Variants in ZNF536 observed in about 807,000 individuals in gnomAD.
The protein encoded by ZNF536 is zinc finger protein 536.
In ZNF536, 13 loss-of-function variants were observed where a neutral mutation model predicts 84.5. The observed-to-expected ratio is 0.15, with a 90% CI of 0.10 to 0.24. ZNF536 has a LOEUF of 0.24. Ranked by LOEUF, ZNF536 falls within the 10% of genes least tolerant of loss-of-function variation. The pLI, the probability that ZNF536 is intolerant of heterozygous loss-of-function variation, is 1.00. For synonymous variants in ZNF536, 811 were observed against 742.5 expected, an observed-to-expected ratio of 1.09 and a Z score of -1.50; for missense variants, 1,536 against 1,747.5, an observed-to-expected ratio of 0.88 and a Z score of 2.16.
intron 2 of ZNF536, among the ~76,000 whole-genome samples, chr19:30,486,606 G>A (rs1314256567): frequency 3.3e-5 from 5 of 152,038 alleles, no homozygotes; most frequent in Non-Finnish European, 7.4e-5. Context: ...TATTCCTTTG[G>A]GTATATACCT....
chr19:30,655,198 CAG>C (rs1242233916), intron 1 of ZNF536, among the ~76,000 whole-genome samples: 1 of 152,192 alleles, frequency 6.6e-6, no homozygotes, highest in East Asian at 1.9e-4. Flanking sequence ...ATTTACAAGA[CAG>C]AGTAAAATCA....
intron 1 of ZNF536, among the ~76,000 whole-genome samples, chr19:30,593,824 C>T (rs980303372): frequency 1.3e-5 from 2 of 152,230 alleles, no homozygotes; most frequent in African/African-American, 2.4e-5. Context: ...GGTCTGCCAG[C>T]CTGGCTGGTC....
At chr19:30,287,162 C>G (rs1303845235) in intron 2 of ZNF536, among the ~76,000 whole-genome samples, 1 of 130,520 alleles carries the variant, frequency 7.7e-6, no homozygotes, top group Non-Finnish European at 1.6e-5. Flanking sequence ...AATAGCTTCT[C>G]AATAAAGCTT....
intron 2 of ZNF536, among the ~76,000 whole-genome samples, chr19:30,343,324 C>T (rs2146579899): frequency 6.6e-6 from 1 of 152,336 alleles, no homozygotes; most frequent in East Asian, 1.9e-4. Flanking sequence ...GCCTCCAAAA[C>T]AAACCTCTGC....
At chr19:30,665,933 C>T (rs561249692) in intron 1 of ZNF536, among the ~76,000 whole-genome samples, 1 of 152,286 alleles carries the variant, frequency 6.6e-6, no homozygotes, top group African/African-American at 2.4e-5. Context: ...ACAGGTGATT[C>T]CTGGTGTGTC....
intron 1 of ZNF536, among the ~76,000 whole-genome samples, chr19:30,398,388 C>CTTT (rs34335848): frequency 3.5e-4 from 52 of 147,038 alleles, no homozygotes; most frequent in Admixed American, 7.4e-4. Context: ...TTTTCTTTTT[C>CTTT]TTTTTTTTTT....
intron 2 of ZNF536, among the ~76,000 whole-genome samples, chr19:30,320,411 T>A (rs1012056803): frequency 6.6e-6 from 1 of 152,262 alleles, no homozygotes; most frequent in African/African-American, 2.4e-5. Flanking sequence ...TCATCAGGAA[T>A]GTTTTCAGTC....
chr19:30,577,658 T>A (rs1295235060), intron 1 of ZNF536, among the ~76,000 whole-genome samples: 1 of 152,190 alleles, frequency 6.6e-6, no homozygotes, highest in Non-Finnish European at 1.5e-5. Context: ...ATGTTAAAAA[T>A]CCATTTTCGT....
chr19:30,709,201 G>T (rs117961832), intron 1 of ZNF536, among the ~76,000 whole-genome samples: 1,637 of 152,306 alleles, frequency 0.011, 12 homozygotes, highest in Middle Eastern at 0.037. Context: ...TCCACCTCCT[G>T]TTCCAAATTA....
intron 2 of ZNF536, among the ~76,000 whole-genome samples, chr19:30,498,478 C>T (rs1194428028): frequency 6.6e-6 from 1 of 151,982 alleles, no homozygotes; most frequent in Non-Finnish European, 1.5e-5. Flanking sequence ...GGAAAAATAG[C>T]TAATGAATAC....
rs767688213 is a variant in ZNF536 at position 30,548,600 on chromosome 19, T to A, written c.2981T>A (p.Val994Glu). 1 of 1,614,166 alleles carries A rather than the reference T, an allele frequency of 6.2e-7. No homozygotes were observed. Among genetic ancestry groups the A allele is most frequent in the Non-Finnish European group, 8.5e-7 (1 of 1,180,040 alleles). Residue 994 changes from valine (V) to glutamate (E), a missense_variant, in exon 4 of 5, where the codon GTG (valine) becomes GAG (glutamate). Val to Glu is a moderately radical substitution (Grantham distance 121). Around this residue, in one of 8 missense-constraint regions of ZNF536, gnomAD observed 624 missense variants for 603.1 expected, o/e 1.03. Transcript: ENST00000355537. ...AASLPGSSVT[V>E]QDSIAWHGCL... ...TCCCTCCCGGGCTCCTCGGTAACTG[T>A]GCAGGACAGCATTGCATGGCACGGC... is the stretch of plus-strand genomic sequence containing the variant.
At chr19:30,227,681 G>C (rs2022692150), upstream of ZNF536, among the ~76,000 whole-genome samples, 1 of 151,718 alleles carries the variant, frequency 6.6e-6, no homozygotes, top group African/African-American at 2.4e-5. Flanking sequence ...GAGCGGGAGG[G>C]GCGGAGTGAG....
intron 3 of ZNF536, among the ~76,000 whole-genome samples, chr19:30,367,187 C>T (rs2048462456): frequency 6.6e-6 from 1 of 152,208 alleles, no homozygotes. Flanking sequence ...CGCCACATCC[C>T]TTCTGCTGGG....
intron 1 of ZNF536, among the ~76,000 whole-genome samples, chr19:30,696,274 A>T (rs1600297854): frequency 6.6e-6 from 1 of 152,138 alleles, no homozygotes; most frequent in Non-Finnish European, 1.5e-5. Context: ...GAGGTGGGCC[A>T]CCAGCCCCTC....
At chr19:30,685,385 T>C (rs756400667) in intron 1 of ZNF536, among the ~76,000 whole-genome samples, 18 of 152,122 alleles carry the variant, frequency 1.2e-4, no homozygotes, top group Non-Finnish European at 2.1e-4. Context: ...TTTTTATTTG[T>C]AGGTGTGGGG....
chr19:30,643,813 C>T (rs1352887129), intron 1 of ZNF536, among the ~76,000 whole-genome samples: 1 of 152,102 alleles, frequency 6.6e-6, no homozygotes, highest in African/African-American at 2.4e-5. Flanking sequence ...ACCCTTTTCT[C>T]CTCTTAGTGA....
At chr19:30,408,874 A>G (rs1016062154) in intron 1 of ZNF536, among the ~76,000 whole-genome samples, 1 of 67,880 alleles carries the variant, frequency 1.5e-5, no homozygotes, top group Admixed American at 2.0e-4. Flanking sequence ...TCGATCTTCT[A>G]TCCATCCTTC....
chr19:30,578,758 C>T (rs1939975650), intron 1 of ZNF536, among the ~76,000 whole-genome samples: 2 of 152,234 alleles, frequency 1.3e-5, no homozygotes, highest in African/African-American at 2.4e-5. Flanking sequence ...ACACTGCTCA[C>T]CGTAGGCTTG....
At chr19:30,270,332 G>A (rs762856288) in intron 1 of ZNF536, among the ~76,000 whole-genome samples, 1 of 152,208 alleles carries the variant, frequency 6.6e-6, no homozygotes, top group Non-Finnish European at 1.5e-5. Flanking sequence ...AATTCAAGAT[G>A]TCTGTCATCC....
Sources: gnomAD v4.1 joint callset for allele counts (sites outside exome capture counted in the v4.1 genomes callset) on GRCh38, gnomAD v4.1.1 for gene constraint, gnomAD v4.1.1 regional missense constraint, MANE v1.5 for transcripts, NCBI Gene and HGNC (gene_info 2026-07-23, HGNC 2026-07-21) for gene names.